Variants in LIMK1 observed in about 807,000 individuals in gnomAD.
The protein encoded by LIMK1 is LIM domain kinase 1, also known as LIM motif-containing protein kinase.
A neutral mutation model predicts 77.6 loss-of-function variants in LIMK1; 21 were observed. That is an observed-to-expected ratio of 0.27 (90% CI 0.19 to 0.39). LIMK1 has a LOEUF of 0.39. Among genes scored for constraint, LIMK1 ranks in the 10% least tolerant of loss-of-function variants. The pLI, the probability that LIMK1 is intolerant of heterozygous loss-of-function variation, is 1.00. For missense variants in LIMK1, 696 were observed against 901.6 expected, an observed-to-expected ratio of 0.77 and a Z score of 2.92; for synonymous variants, 358 against 370.0, an observed-to-expected ratio of 0.97 and a Z score of 0.37.
chr7:74,099,149 T>C lies in LIMK1; in HGVS notation c.519T>C (p.His173=), dbSNP rs1554696122. Reference sequence around the variant, plus strand: ...TGGTGTCCATCCCAGCCTCATCTCATGGCAAGCGTGGACTTTCAGTCTCCA... The same window carrying C: ...TGGTGTCCATCCCAGCCTCATCTCACGGCAAGCGTGGACTTTCAGTCTCCA... ...VTLVSIPASS[H]GKRGLSVSID... The change falls in exon 5 of 16, where the codon CAT becomes CAC. Residue 173 remains histidine, a synonymous_variant. Coordinates refer to ENST00000336180, the MANE Select transcript of LIMK1 (RefSeq NM_002314.4). The C allele has an allele frequency of 3.7e-6, 6 of 1,613,626 alleles. No homozygotes were observed. The highest frequency in any genetic ancestry group is 5.1e-6 in the Non-Finnish European group (6 of 1,180,010).
In LIMK1 at chr7:74,120,832, G is replaced by A. The variant is rs1422130412; in HGVS notation, c.1624-60G>A. ...CACCTGCCCTCAAACCACCTGGATG[G>A]CACCCAGATGCCCAGGCTGAGGGCC... On this transcript the variant is annotated intron_variant, in intron 14 of 15. Coordinates refer to ENST00000336180, the MANE Select transcript of LIMK1 (RefSeq NM_002314.4). The A allele has an allele frequency of 1.1e-5, 17 of 1,606,626 alleles. No individual in the cohort carries two copies. In the African/African-American group the frequency reaches 1.3e-4, roughly 13 times the overall value.
chr7:74,083,937 G>C lies in LIMK1; in HGVS notation c.-54G>C, dbSNP rs1348083955. On this transcript the variant is annotated 5_prime_UTR_variant, in exon 1 of 16. Transcript: ENST00000336180. ...GGCCGGCGGCGGTGGGCGAGCTCGC[G>C]GGCCCGGCCGCCCCCAGCCCCAGCC... 2 of 584,136 alleles carry C rather than the reference G, an allele frequency of 3.4e-6. No individual in the cohort carries two copies. Among genetic ancestry groups the C allele is most frequent in the Non-Finnish European group, 4.6e-6 (2 of 433,616 alleles). 36.2% of individuals were successfully genotyped at this position (584,136 alleles called of 1,614,324 possible).
At chr7:74,111,598 C>T in intron 10 of LIMK1, 50 bp from the exon 11 acceptor site, 2 of 1,490,222 alleles carry the variant, frequency 1.3e-6, no homozygotes, top group Non-Finnish European at 1.8e-6. Context: ...ACCATCCCTG[C>T]CATCGGGGCC....
rs1228947066 is a variant in LIMK1, at chr7:74,115,882, C to G, written c.1491C>G (p.Ser497Arg). ...DEKTQPEGLRSLKKPDRKKRY... is the reference protein window; with the variant it reads ...DEKTQPEGLRRLKKPDRKKRY... ...AGACTCAGCCTGAGGGCCTGCGGAG[C>G]CTCAAGAAGCCAGACCGCAAGAAGC... The change falls in exon 13 of 16, where the codon AGC becomes AGG. Residue 497 changes from serine to arginine, a missense_variant. Ser to Arg is a moderately radical substitution (Grantham distance 110). Around this residue, in one of 3 missense-constraint regions of LIMK1, gnomAD observed 438 missense variants for 602.3 expected, o/e 0.73. Transcript: ENST00000336180. 1 of 1,614,158 alleles carries G rather than the reference C, an allele frequency of 6.2e-7. No homozygotes were observed.
In LIMK1 at chr7:74,098,502, G is replaced by C. The variant is rs144345953; in HGVS notation, c.402-530G>C. Among the ~76,000 whole-genome samples the C allele has an allele frequency of 1.2e-3, 177 of 152,304 alleles. No individual in the cohort carries two copies. The East Asian group carries it at 0.022, about 19-fold the overall frequency. On this transcript the variant is annotated intron_variant, in intron 4 of 15. Transcript: ENST00000336180. ...ACCCGAATGACTCAGAGGGACGAGG[G>C]CTGGCTGGGCACGCACAGTTCCTGC...
chr7:74,093,024 G>T (rs567905605), intron 2 of LIMK1: 1 of 972,834 alleles, frequency 1.0e-6, no homozygotes, highest in Non-Finnish European at 1.4e-6. Flanking sequence ...CTCCCCACCC[G>T]CACCAAAGCC....
rs184306308 is a variant in LIMK1, at chr7:74,091,450, G to A, written c.153-5172G>A. 6.6e-5 allele frequency among the ~76,000 whole-genome samples: 10 copies of A among 152,282 alleles called. No homozygotes were observed. In the East Asian group the frequency reaches 1.4e-3, roughly 21 times the overall value. On this transcript the variant is annotated intron_variant, in intron 2 of 15. Transcript: ENST00000336180. ...GAGGATCATTTGAACCCAGGATGTCGAAGCTGCAGTGAGCTGTGATCACGC... is the reference window on the plus strand; with the variant it reads ...GAGGATCATTTGAACCCAGGATGTCAAAGCTGCAGTGAGCTGTGATCACGC...
intron 2 of LIMK1, among the ~76,000 whole-genome samples, chr7:74,086,657 G>C (rs1234246096): frequency 7.9e-5 from 12 of 152,092 alleles, no homozygotes; most frequent in South Asian, 2.1e-4. Context: ...CTAACGCCTT[G>C]GCCTCTGTTG....
At position 74,108,983 on chromosome 7, in the gene LIMK1, T is replaced by C. The variant is rs115876228; in HGVS notation, c.1231T>C (p.Phe411Leu). ...GVLYKDKRLN[F>L]ITEYIKGGTL... ...GCTCTACAAGGACAAGAGGCTCAAC[T>C]TCATCACTGAGTACATCAAGGGCGG... is the stretch of plus-strand genomic sequence containing the variant. The change falls in exon 10 of 16, where the codon TTC (phenylalanine) becomes CTC (leucine). Residue 411 changes from phenylalanine to leucine, a missense_variant. Around this residue, in one of 3 missense-constraint regions of LIMK1, gnomAD observed 438 missense variants for 602.3 expected, o/e 0.73. Transcript: ENST00000336180. 31 of 1,614,070 alleles carry C rather than the reference T, an allele frequency of 1.9e-5. No homozygotes were observed. The East Asian group carries it at 6.9e-4, about 36-fold the overall frequency.
chr7:74,085,514 A>G (rs1182970207), intron 1 of LIMK1, among the ~76,000 whole-genome samples: 5 of 152,244 alleles, frequency 3.3e-5, no homozygotes, highest in East Asian at 3.8e-4. Context: ...AAGCTGATAC[A>G]TAGGGAAACA....
chr7:74,114,352 G>A (rs1799764068), intron 12 of LIMK1, among the ~76,000 whole-genome samples: 1 of 151,470 alleles, frequency 6.6e-6, no homozygotes, highest in Admixed American at 6.6e-5. Flanking sequence ...GACCAGCCAG[G>A]CAACATGGCA....
intron 1 of LIMK1, among the ~76,000 whole-genome samples, chr7:74,084,652 G>A (rs1295682538): frequency 6.6e-6 from 1 of 152,146 alleles, no homozygotes; most frequent in Non-Finnish European, 1.5e-5. Flanking sequence ...CCCCAAACCC[G>A]GTGCCTGCCC....
At chr7:74,102,378 G>A (rs1799478591) in intron 5 of LIMK1, among the ~76,000 whole-genome samples, 1 of 149,710 alleles carries the variant, frequency 6.7e-6, no homozygotes, top group Admixed American at 6.7e-5. Flanking sequence ...GTTTATATTT[G>A]TACATACATG....
chr7:74,112,102 T>G, intron 12 of LIMK1, 104 bp downstream of exon 12: 2 of 900,876 alleles, frequency 2.2e-6, no homozygotes, highest in Non-Finnish European at 3.4e-6. Context: ...CCATGTTGCC[T>G]CCATGACTTC....
At chr7:74,102,484 C>CTGTTTTTTTTTTTTTTTTTTTTTTTTTT (rs1554696729) in intron 5 of LIMK1, among the ~76,000 whole-genome samples, 1 of 54,042 alleles carries the variant, frequency 1.9e-5, no homozygotes, top group African/African-American at 5.8e-5. Flanking sequence ...AGGACCTTCT[C>CTGTTTTTTTTTTTTTTTTTTTTTTTTTT]TTTTTTTTTT....
At position 74,111,982 on chromosome 7, in the gene LIMK1, A is replaced by G; in HGVS notation, c.1394A>G (p.Asn465Ser). The part of the protein sequence containing the change: ...NIIHRDLNSH[N>S]CLVRENKNVV... ...ATCCACCGAGACCTCAACTCCCACA[A>G]CTGCCTGGTCCGCGAGGTGAGTACC... The change falls in exon 12 of 16, where the codon AAC (asparagine) becomes AGC (serine). Residue 465 changes from asparagine (N) to serine (S), a missense_variant. Transcript: ENST00000336180. 6.2e-7 allele frequency: 1 copy of G among 1,611,274 alleles called. No homozygotes were observed. The highest frequency in any genetic ancestry group is 2.2e-5 in the East Asian group (1 of 44,814).
chr7:74,105,041 C>T (rs1378634288), intron 5 of LIMK1, among the ~76,000 whole-genome samples: 1 of 152,152 alleles, frequency 6.6e-6, no homozygotes, highest in Non-Finnish European at 1.5e-5. Context: ...CTGCAACCTC[C>T]ACCTCCCAGG....
At chr7:74,100,324 A>G (rs1554696342) in intron 5 of LIMK1, among the ~76,000 whole-genome samples, 2 of 152,196 alleles carry the variant, frequency 1.3e-5, no homozygotes. Context: ...GTCTGTTTGA[A>G]CAATGAGGGA....
intron 5 of LIMK1, among the ~76,000 whole-genome samples, chr7:74,100,938 CAT>C (rs1462439355): frequency 6.6e-6 from 1 of 150,522 alleles, no homozygotes; most frequent in African/African-American, 2.5e-5. Context: ...AGGGTTTCAC[CAT>C]ATTAGGCAGG....
Sources: allele counts gnomAD v4.1 joint callset (sites outside exome capture counted in the v4.1 genomes callset), GRCh38; gene constraint gnomAD v4.1.1; regional missense constraint gnomAD v4.1.1; transcripts MANE v1.5; gene names NCBI Gene and HGNC (gene_info 2026-07-23, HGNC 2026-07-21).